CDH12: variants seen among roughly 807,000 people sequenced by gnomAD.
CDH12 encodes the protein cadherin-12.
In CDH12, 41 loss-of-function variants were observed where a neutral mutation model predicts 74.1. The observed-to-expected ratio is 0.55, with a 90% CI of 0.43 to 0.72. The LOEUF (loss-of-function observed/expected upper bound fraction) is 0.72, where lower values mean the gene tolerates loss of function less well. Ranked by LOEUF, CDH12 falls within the 30% of genes least tolerant of loss-of-function variation. CDH12 has a pLI of 0.00. For synonymous variants in CDH12, 399 were observed against 355.0 expected (o/e 1.12, Z -1.39); for missense variants, 945 against 977.2 (o/e 0.97, Z 0.44).
At chr5:22,618,066 GT>G (rs199715518) in intron 1 of CDH12, among the ~76,000 whole-genome samples, 2 of 151,166 alleles carry the variant, frequency 1.3e-5, no homozygotes, top group East Asian at 1.9e-4. Context: ...ATCTGAGCTA[GT>G]TTTTTTTTCA....
intron 6 of CDH12, among the ~76,000 whole-genome samples, chr5:21,900,408 T>C (rs1381948359): frequency 2.6e-5 from 4 of 152,254 alleles, no homozygotes; most frequent in African/African-American, 7.2e-5. Flanking sequence ...GTATGTAGTA[T>C]ATTTAATAGC....
In CDH12 at chr5:22,074,303, A is replaced by C. The variant is rs151330363; in HGVS notation, c.231+4143T>G. ...GGATCCCTTCCTTACACCTTATACAAAAGTTAATTAAAGATGGATTAAAGA... is the reference window on the plus strand; with the variant it reads ...GGATCCCTTCCTTACACCTTATACACAAGTTAATTAAAGATGGATTAAAGA... On this transcript the variant is annotated intron_variant, in intron 5 of 14. Transcript: ENST00000382254. 3.2e-3 allele frequency among the ~76,000 whole-genome samples: 493 copies of C among 152,302 alleles called. 1 individual carries two copies. Among genetic ancestry groups the C allele is most frequent in the African/African-American group, 0.011 (456 of 41,580 alleles).
chr5:22,168,950 C>T (rs1234239160), intron 4 of CDH12, among the ~76,000 whole-genome samples: 2 of 148,520 alleles, frequency 1.3e-5, no homozygotes, highest in African/African-American at 5.0e-5. Flanking sequence ...GAATAAGGAT[C>T]ATTTCTTTTT....
intron 2 of CDH12, among the ~76,000 whole-genome samples, chr5:22,447,328 T>C (rs1321352972): frequency 1.3e-5 from 2 of 152,064 alleles, no homozygotes; most frequent in African/African-American, 2.4e-5. Context: ...TAGGCACACA[T>C]TGACAGAGAG....
At chr5:21,846,421 T>C (rs1408026529) in intron 7 of CDH12, among the ~76,000 whole-genome samples, 1 of 64,070 alleles carries the variant, frequency 1.6e-5, no homozygotes, top group Non-Finnish European at 4.8e-5. Flanking sequence ...AAAAGGAACC[T>C]TGGGGTTCAT....
intron 3 of CDH12, among the ~76,000 whole-genome samples, chr5:22,285,626 T>C (rs1156426289): frequency 6.6e-6 from 1 of 152,170 alleles, no homozygotes; most frequent in Non-Finnish European, 1.5e-5. Flanking sequence ...TCGTGTTATA[T>C]GGCATTATAC....
chr5:22,708,027 A>G (rs1318175945), intron 1 of CDH12, among the ~76,000 whole-genome samples: 1 of 152,126 alleles, frequency 6.6e-6, no homozygotes, highest in Non-Finnish European at 1.5e-5. Flanking sequence ...GGCTGTCCTA[A>G]AATATATTGA....
At chr5:22,270,760 C>T (rs1394318456) in intron 3 of CDH12, among the ~76,000 whole-genome samples, 6 of 151,918 alleles carry the variant, frequency 3.9e-5, no homozygotes, top group Admixed American at 3.9e-4. Flanking sequence ...CATCCTCCAC[C>T]TTCTGGTTTC....
intron 4 of CDH12, among the ~76,000 whole-genome samples, chr5:22,151,489 A>C (rs1056397176): frequency 3.9e-5 from 6 of 152,112 alleles, no homozygotes; most frequent in African/African-American, 1.4e-4. Context: ...ACCCTGCTGA[A>C]ATCCTTCCTC....
At chr5:22,418,849 A>G (rs960618644) in intron 2 of CDH12, among the ~76,000 whole-genome samples, 3 of 152,086 alleles carry the variant, frequency 2.0e-5, no homozygotes, top group Non-Finnish European at 4.4e-5. Flanking sequence ...ACACCACTGC[A>G]CTCCAGCCTG....
chr5:21,868,202 C>T (rs773764317), intron 6 of CDH12, among the ~76,000 whole-genome samples: 6 of 139,646 alleles, frequency 4.3e-5, no homozygotes, highest in Non-Finnish European at 6.0e-5. Flanking sequence ...TTTCACCGTC[C>T]ACCATGATTG....
chr5:22,659,798 A>G (rs1740251510), intron 1 of CDH12, among the ~76,000 whole-genome samples: 2 of 152,244 alleles, frequency 1.3e-5, no homozygotes, highest in South Asian at 4.1e-4. Context: ...AATTACTAAA[A>G]TTTAAGTTGC....
At chr5:21,803,833 T>A (rs1747273922) in intron 9 of CDH12, among the ~76,000 whole-genome samples, 1 of 152,170 alleles carries the variant, frequency 6.6e-6, no homozygotes, top group African/African-American at 2.4e-5. Flanking sequence ...AAAGGAAGGA[T>A]GGATATTTTT....
At chr5:22,840,350 C>A (rs1737028814) in intron 1 of CDH12, among the ~76,000 whole-genome samples, 1 of 152,022 alleles carries the variant, frequency 6.6e-6, no homozygotes, top group South Asian at 2.1e-4. Context: ...TCTCGATCTC[C>A]TGACCTTGTA....
chr5:22,567,865 A>G (rs1291558842), intron 1 of CDH12, among the ~76,000 whole-genome samples: 1 of 152,128 alleles, frequency 6.6e-6, no homozygotes, highest in Non-Finnish European at 1.5e-5. Flanking sequence ...ATTTCTTAAC[A>G]CACCTGTCCA....
In CDH12 at chr5:22,738,222, G is replaced by A. The variant is rs116183557; in HGVS notation, c.-523+114836C>T. ...CTCAGGGCTGTCTCGTGGAGCAGAC[G>A]TTACATTATAAAAATCATTTAGGAA... On this transcript the variant is annotated intron_variant, in intron 1 of 14. Transcript: ENST00000382254. Among the ~76,000 whole-genome samples, 1,203 of 152,108 alleles carry A rather than the reference G, an allele frequency of 7.9e-3. 12 individuals are homozygous for A. Among genetic ancestry groups the A allele is most frequent in the African/African-American group, 0.027 (1,117 of 41,524 alleles).
intron 1 of CDH12, among the ~76,000 whole-genome samples, chr5:22,579,881 T>C (rs747863119): frequency 6.6e-6 from 1 of 152,156 alleles, no homozygotes; most frequent in Non-Finnish European, 1.5e-5. Flanking sequence ...TCAAATCTTA[T>C]TTTGCTAAGC....
chr5:22,240,111 C>T (rs1047925533), intron 3 of CDH12, among the ~76,000 whole-genome samples: 2 of 152,132 alleles, frequency 1.3e-5, no homozygotes, highest in Admixed American at 6.5e-5. Flanking sequence ...GAAATTCAGA[C>T]ATCATTTTGA....
At chr5:22,705,214 C>T (rs1742938707) in intron 1 of CDH12, among the ~76,000 whole-genome samples, 1 of 148,716 alleles carries the variant, frequency 6.7e-6, no homozygotes, top group African/African-American at 2.5e-5. Flanking sequence ...GAATTTGTAA[C>T]TTACATTTCC....
Sources: allele counts gnomAD v4.1 joint callset (sites outside exome capture counted in the v4.1 genomes callset), GRCh38; gene constraint gnomAD v4.1.1; transcripts MANE v1.5; gene names NCBI Gene and HGNC (gene_info 2026-07-23, HGNC 2026-07-21).